Variants in FOCAD observed in about 807,000 individuals in gnomAD.
The protein encoded by FOCAD is focadhesin.
FOCAD carries 198 observed loss-of-function variants against 225.6 expected under a neutral mutation model. The observed-to-expected ratio is 0.88, with a 90% confidence interval of 0.78 to 0.99. The LOEUF is 0.99. Among genes scored for constraint, FOCAD ranks in the 50% least tolerant of loss-of-function variants. FOCAD has a pLI of 0.00. For missense variants in FOCAD, 2,713 were observed against 2,123.6 expected (o/e 1.28, Z -5.46); for synonymous variants, 897 against 755.0 (o/e 1.19, Z -3.08).
chr9:20,905,195 G>A lies in FOCAD; in HGVS notation c.2626-1955G>A, dbSNP rs77623693. On this transcript the variant is annotated intron_variant, in intron 21 of 43. Transcript: ENST00000338382. ...AGTTCAGGCTGGCTTCTAGGCTGAA[G>A]CTTTCTACTGTGCTCCTGTACCCAC... Among the ~76,000 whole-genome samples, 776 of 152,106 alleles carry A rather than the reference G, an allele frequency of 5.1e-3. 4 individuals are homozygous for A. Among genetic ancestry groups the A allele is most frequent in the Non-Finnish European group, 7.1e-3 (485 of 67,942 alleles).
At chr9:20,893,694 A>T (rs1239082316) in intron 21 of FOCAD, among the ~76,000 whole-genome samples, 1 of 152,110 alleles carries the variant, frequency 6.6e-6, no homozygotes, top group Non-Finnish European at 1.5e-5. Context: ...CCTCATTTGT[A>T]AAAACAGACT....
chr9:20,740,530 G>A (rs1827525462), intron 5 of FOCAD, among the ~76,000 whole-genome samples, 190 bp downstream of exon 5: 1 of 152,156 alleles, frequency 6.6e-6, no homozygotes, highest in Admixed American at 6.6e-5. Context: ...TTGACAAGAT[G>A]AGTATCACCA....
intron 2 of FOCAD, among the ~76,000 whole-genome samples, chr9:20,665,897 TTA>T (rs960119236): frequency 2.6e-5 from 4 of 151,004 alleles, no homozygotes; most frequent in Non-Finnish European, 1.5e-5. Context: ...TATTTTATAA[TTA>T]TATATATATA....
chr9:20,874,878 T>G, intron 19 of FOCAD, 71 bp downstream of exon 19: 1 of 1,568,216 alleles, frequency 6.4e-7, no homozygotes, highest in Non-Finnish European at 8.8e-7. Context: ...TATTCTTTTG[T>G]GATAGGTACA....
At chr9:20,843,234 C>CT (rs1380213943) in intron 15 of FOCAD, among the ~76,000 whole-genome samples, 1 of 152,012 alleles carries the variant, frequency 6.6e-6, no homozygotes, top group African/African-American at 2.4e-5. Context: ...CAAATGCTCT[C>CT]TAACATCCTT....
At chr9:20,832,755 G>A (rs1006367956) in intron 15 of FOCAD, among the ~76,000 whole-genome samples, 6 of 151,910 alleles carry the variant, frequency 3.9e-5, no homozygotes, top group Non-Finnish European at 8.8e-5. Context: ...ATGCCCTCTA[G>A]TTTCATCCAT....
intron 35 of FOCAD, among the ~76,000 whole-genome samples, chr9:20,965,626 A>T (rs1350574379): frequency 6.6e-6 from 1 of 152,094 alleles, no homozygotes; most frequent in African/African-American, 2.4e-5. Context: ...CATCACGACT[A>T]TTTCCAGAAT....
intron 15 of FOCAD, among the ~76,000 whole-genome samples, chr9:20,862,192 C>T: frequency 6.6e-6 from 1 of 151,810 alleles, no homozygotes; most frequent in African/African-American, 2.4e-5. Context: ...AATGTGGATA[C>T]CTGGCTTTAG....
chr9:20,793,075 G>A (rs1464127249), intron 11 of FOCAD, among the ~76,000 whole-genome samples: 2 of 152,130 alleles, frequency 1.3e-5, no homozygotes, highest in Non-Finnish European at 2.9e-5. Flanking sequence ...CCTGAAGTCA[G>A]TCGGCTACCT....
At chr9:20,857,021 G>A (rs1828254586) in intron 15 of FOCAD, among the ~76,000 whole-genome samples, 2 of 151,960 alleles carry the variant, frequency 1.3e-5, no homozygotes, top group Admixed American at 1.3e-4. Context: ...ATCAGATAAT[G>A]TGATTCCTGC....
chr9:20,890,836 C>A (rs1831548783), intron 21 of FOCAD, among the ~76,000 whole-genome samples: 1 of 142,972 alleles, frequency 7.0e-6, no homozygotes, highest in Non-Finnish European at 1.5e-5. Flanking sequence ...ACTGTGAATT[C>A]CATTTATTTA....
At chr9:20,947,746 C>T (rs1837316264) in intron 30 of FOCAD, among the ~76,000 whole-genome samples, 1 of 152,054 alleles carries the variant, frequency 6.6e-6, no homozygotes, top group Non-Finnish European at 1.5e-5. Flanking sequence ...AAGGTTTCTC[C>T]ACTGTCTTAA....
intron 28 of FOCAD, among the ~76,000 whole-genome samples, chr9:20,943,617 G>A (rs1836886983): frequency 6.6e-6 from 1 of 152,108 alleles, no homozygotes; most frequent in Non-Finnish European, 1.5e-5. Flanking sequence ...TTATGCAAAT[G>A]TTCTTGACAC....
Position 20,986,283 on chromosome 9 carries a change from T to TTTTTTTTTTTTTTTTTG in FOCAD, c.4729-5_4729-4insTTTTTTTTTTTTTTTTG. ...ACTAAACAATTTTTTTTTTTTTTTT[T>TTTTTTTTTTTTTTTTTG]GCAGAGCAACATAGAAAAAGCTGCC... On this transcript the variant is annotated splice_polypyrimidine_tract_variant and splice_region_variant and intron_variant, in intron 39 of 43. Transcript: ENST00000338382. 1 of 1,476,884 alleles carries TTTTTTTTTTTTTTTTTG rather than the reference T, an allele frequency of 6.8e-7. No individual in the cohort carries two copies. Among genetic ancestry groups the TTTTTTTTTTTTTTTTTG allele is most frequent in the Non-Finnish European group, 9.0e-7 (1 of 1,113,550 alleles). The allele number at this position is 1,476,884 out of a possible 1,614,324, so 91.5% of individuals were successfully genotyped here. A position where few individuals can be genotyped will look rare whatever the true frequency, so the allele number is the denominator to read the frequency against.
At chr9:20,772,296 G>C (rs919155006) in intron 8 of FOCAD, among the ~76,000 whole-genome samples, 6 of 152,122 alleles carry the variant, frequency 3.9e-5, no homozygotes, top group African/African-American at 1.2e-4. Flanking sequence ...TACATCGTTG[G>C]ATATATGGTT....
intron 21 of FOCAD, among the ~76,000 whole-genome samples, chr9:20,886,216 C>CT (rs5896915): frequency 2.6e-5 from 4 of 151,744 alleles, no homozygotes; most frequent in South Asian, 4.2e-4. Context: ...GTTTCAGAAG[C>CT]TTTTTTTTTG....
At chr9:20,742,619 G>A (rs1162999406) in intron 5 of FOCAD, among the ~76,000 whole-genome samples, 1 of 152,216 alleles carries the variant, frequency 6.6e-6, no homozygotes, top group Admixed American at 6.5e-5. Context: ...AGAAGCATCA[G>A]TTTAGATGAT....
At chr9:20,762,832 C>G (rs1829732746) in intron 6 of FOCAD, among the ~76,000 whole-genome samples, 1 of 152,148 alleles carries the variant, frequency 6.6e-6, no homozygotes, top group Non-Finnish European at 1.5e-5. Context: ...TTCCCACCCT[C>G]TGTTTGGAGT....
Position 20,662,938 on chromosome 9 carries a change from A to T in FOCAD, c.-78+4112A>T, listed in dbSNP as rs548196678. 4.4e-3 allele frequency among the ~76,000 whole-genome samples: 663 copies of T among 152,378 alleles called. 4 individuals are homozygous for T. Among genetic ancestry groups the T allele is most frequent in the African/African-American group, 0.015 (638 of 41,594 alleles). On this transcript the variant is annotated intron_variant, in intron 2 of 45. Coordinates refer to the FOCAD transcript ENST00000380249. Reference sequence around the variant, plus strand: ...AATAACATAATAGAAAATTATTTGTATCCAGTTGTCTTGAGTCTAATGTAT... The same window carrying T: ...AATAACATAATAGAAAATTATTTGTTTCCAGTTGTCTTGAGTCTAATGTAT...
Sources: gnomAD v4.1 joint callset for allele counts (sites outside exome capture counted in the v4.1 genomes callset) on GRCh38, gnomAD v4.1.1 for gene constraint, MANE v1.5 for transcripts, NCBI Gene and HGNC (gene_info 2026-07-23, HGNC 2026-07-21) for gene names.